The following LRPAP1 variants were observed in gnomAD, a reference collection of about 807,000 sequenced individuals.
LRPAP1 encodes the protein alpha-2-macroglobulin receptor-associated protein.
LRPAP1 carries 41 observed loss-of-function variants against 39.9 expected under a neutral mutation model. The observed-to-expected ratio is 1.03, with a 90% CI of 0.80 to 1.33. LRPAP1 has a LOEUF of 1.33. Ranked by LOEUF, LRPAP1 falls within the 40% of genes most tolerant of loss-of-function variation. LRPAP1 has a pLI of 0.00. For missense variants in LRPAP1, 565 were observed against 482.3 expected (o/e 1.17, Z -1.61); for synonymous variants, 263 against 212.7 (o/e 1.24, Z -2.06).
At chr4:3,524,821 A>G (rs545398985) in intron 2 of LRPAP1, 86 bp downstream of exon 2, 2 of 1,498,744 alleles carry the variant, frequency 1.3e-6, no homozygotes, top group African/African-American at 2.8e-5. Flanking sequence ...AAATCCAAAA[A>G]CAAAATCCGA....
At position 3,512,566 on chromosome 4, in the gene LRPAP1, G is replaced by A. The variant is rs1401249253; in HGVS notation, c.*408C>T. The A allele has an allele frequency of 1.8e-5, 3 of 170,710 alleles. No homozygotes were observed. Among genetic ancestry groups the A allele is most frequent in the African/African-American group, 4.8e-5 (2 of 42,034 alleles). The allele number at this position is 170,710 out of a possible 1,614,324, so 10.6% of individuals were successfully genotyped here. A position where few individuals can be genotyped will look rare whatever the true frequency, so the allele number is the denominator to read the frequency against. On this transcript the variant is annotated 3_prime_UTR_variant, in exon 8 of 8. Transcript: ENST00000650182. ...CACTTAGTGACCAGCCAACAAGCGG[G>A]TGGTTTAAATACTGCACTCTATTTT...
chr4:3,518,161 G>A lies in LRPAP1; in HGVS notation c.624C>T (p.Asp208=), dbSNP rs2108689678. Residue 208 remains aspartate, a synonymous_variant, in exon 5 of 8, where the codon GAC becomes GAT. Coordinates refer to ENST00000650182, the MANE Select transcript of LRPAP1 (RefSeq NM_002337.4). The part of the protein sequence containing the change: ...EIHENVISPS[D]LSDIKGSVLH... Reference sequence around the variant, plus strand: ...GGACGCTGCCCTTGATGTCGCTCAGGTCCGAGGGGCTAATGACGTTCTCGT... The same window carrying A: ...GGACGCTGCCCTTGATGTCGCTCAGATCCGAGGGGCTAATGACGTTCTCGT... The A allele has an allele frequency of 6.2e-7, 1 of 1,613,112 alleles. No individual in the cohort carries two copies. The highest frequency in any genetic ancestry group is 1.3e-5 in the African/African-American group (1 of 75,026).
Position 3,518,156 on chromosome 4 carries a change from C to T in LRPAP1, c.629G>A (p.Ser210Asn). The change falls in exon 5 of 8, where the codon AGC (serine) becomes AAC (asparagine). Residue 210 changes from serine to asparagine, a missense_variant. Transcript: ENST00000650182. ...HENVISPSDLSDIKGSVLHSR... is the reference protein window; with the variant it reads ...HENVISPSDLNDIKGSVLHSR... ...GTGCAGGACGCTGCCCTTGATGTCG[C>T]TCAGGTCCGAGGGGCTAATGACGTT... The T allele has an allele frequency of 2.5e-6, 4 of 1,613,472 alleles. No individual in the cohort carries two copies. The highest frequency in any genetic ancestry group is 3.4e-6 in the Non-Finnish European group (4 of 1,179,830).
Position 3,507,100 on chromosome 4 carries a change from T to A in LRPAP1, c.*5874A>T, listed in dbSNP as rs1161133281. The A allele has an allele frequency of 6.6e-6, 1 of 152,236 alleles. No homozygotes were observed. The highest frequency in any genetic ancestry group is 2.4e-5 in the African/African-American group (1 of 41,454). The allele number at this position is 152,236 out of a possible 1,614,324, so 9.4% of individuals were successfully genotyped here. A position where few individuals can be genotyped will look rare whatever the true frequency, so the allele number is the denominator to read the frequency against. On this transcript the variant is annotated 3_prime_UTR_variant, in exon 8 of 8. Transcript: ENST00000650182. ...TTAGCAGAGCATAGTGATGCATGCCTGTAGTCCCAGCTACTCAGAAGACCG... is the reference window on the plus strand; with the variant it reads ...TTAGCAGAGCATAGTGATGCATGCCAGTAGTCCCAGCTACTCAGAAGACCG...
chr4:3,519,022 C>G, intron 3 of LRPAP1, 31 bp from the exon 4 acceptor site: 1 of 1,607,408 alleles, frequency 6.2e-7, no homozygotes, highest in Non-Finnish European at 8.5e-7. Context: ...GGAGTGAACC[C>G]GCCGCGGGCT....
chr4:3,531,960 AC>A, intron 1 of LRPAP1: 1 of 560,556 alleles, frequency 1.8e-6, no homozygotes, highest in Non-Finnish European at 3.1e-6. Flanking sequence ...GGCGACACTG[AC>A]CCTCGGGGTG....
chr4:3,518,222 G>C, intron 4 of LRPAP1, 30 bp from the exon 5 acceptor site: 2 of 1,594,934 alleles, frequency 1.3e-6, no homozygotes, highest in Non-Finnish European at 1.7e-6. Flanking sequence ...ACGCCATGAG[G>C]CTGGGAGTCC....
chr4:3,509,056 T>C lies in LRPAP1; in HGVS notation c.*3918A>G, dbSNP rs1183184362. On this transcript the variant is annotated 3_prime_UTR_variant, in exon 8 of 8. Coordinates refer to ENST00000650182, the MANE Select transcript of LRPAP1 (RefSeq NM_002337.4). ...TAAAGCACCACGCACAGGTGACAAATGAAATAAAAATACACAGTCCTCAAT... is the reference window on the plus strand; with the variant it reads ...TAAAGCACCACGCACAGGTGACAAACGAAATAAAAATACACAGTCCTCAAT... The C allele has an allele frequency of 6.6e-6, 1 of 151,960 alleles. No individual in the cohort carries two copies. The highest frequency in any genetic ancestry group is 2.4e-5 in the African/African-American group (1 of 41,358). 9.4% of individuals were successfully genotyped at this position (151,960 alleles called of 1,614,324 possible). A position where few individuals can be genotyped will look rare whatever the true frequency, so the allele number is the denominator to read the frequency against.
chr4:3,520,502 A>G (rs536642879), intron 2 of LRPAP1, among the ~76,000 whole-genome samples: 1 of 152,346 alleles, frequency 6.6e-6, no homozygotes, highest in South Asian at 2.1e-4. Flanking sequence ...CCTGAGACGC[A>G]GCTGTCGAAA....
intron 2 of LRPAP1, among the ~76,000 whole-genome samples, chr4:3,520,766 A>G (rs1729886585): frequency 6.6e-6 from 1 of 152,252 alleles, no homozygotes; most frequent in Non-Finnish European, 1.5e-5. Flanking sequence ...TCTAACAAAA[A>G]GTTACTGGTA....
chr4:3,516,963 G>A (rs1385946563), intron 5 of LRPAP1, among the ~76,000 whole-genome samples: 4 of 152,250 alleles, frequency 2.6e-5, no homozygotes, highest in Non-Finnish European at 5.9e-5. Flanking sequence ...GGGACAGCCC[G>A]AGGTGGGAAG....
intron 5 of LRPAP1, among the ~76,000 whole-genome samples, chr4:3,517,251 G>A (rs553071753): frequency 8.5e-5 from 13 of 152,380 alleles, no homozygotes; most frequent in Non-Finnish European, 1.5e-4. Flanking sequence ...GGACACATTT[G>A]ACTGCTGTGC....
intron 3 of LRPAP1, 26 bp downstream of exon 3, chr4:3,520,046 A>C (rs1345847975): frequency 1.2e-6 from 2 of 1,610,992 alleles, no homozygotes; most frequent in Admixed American, 3.3e-5. Context: ...CCAATTCTGC[A>C]AGGTATGCAA....
At chr4:3,523,826 A>T (rs944485675) in intron 2 of LRPAP1, among the ~76,000 whole-genome samples, 7 of 152,196 alleles carry the variant, frequency 4.6e-5, no homozygotes, top group Non-Finnish European at 1.5e-5. Flanking sequence ...CACGACAGCA[A>T]CAAGTGCGAT....
Position 3,505,798 on chromosome 4 carries a change from G to C in LRPAP1, c.*7176C>G, listed in dbSNP as rs547915725. Reference sequence around the variant, plus strand: ...TTACAACTCGGCAAGATGCTGGGGAGGTTTCTGTTAGGGTGGAGCTGGAAG... The same window carrying C: ...TTACAACTCGGCAAGATGCTGGGGACGTTTCTGTTAGGGTGGAGCTGGAAG... On this transcript the variant is annotated 3_prime_UTR_variant, in exon 8 of 8. Coordinates refer to ENST00000650182, the MANE Select transcript of LRPAP1 (RefSeq NM_002337.4). Among the ~76,000 whole-genome samples the C allele has an allele frequency of 6.6e-6, 1 of 152,372 alleles. No homozygotes were observed. The highest frequency in any genetic ancestry group is 2.1e-4 in the South Asian group (1 of 4,826).
chr4:3,526,343 G>A (rs1274617426), intron 1 of LRPAP1, among the ~76,000 whole-genome samples: 2 of 152,200 alleles, frequency 1.3e-5, no homozygotes, highest in Non-Finnish European at 2.9e-5. Context: ...ATCACCTAAC[G>A]CCTGTCTCTG....
chr4:3,521,739 C>G (rs1729916110), intron 2 of LRPAP1, among the ~76,000 whole-genome samples: 1 of 152,250 alleles, frequency 6.6e-6, no homozygotes, highest in Non-Finnish European at 1.5e-5. Flanking sequence ...CTCCTGACAG[C>G]AGTCAAGAGC....
Position 3,512,229 on chromosome 4 carries a change from G to C in LRPAP1, c.*745C>G. The C allele has an allele frequency of 6.6e-6, 1 of 152,510 alleles. No homozygotes were observed. The highest frequency in any genetic ancestry group is 2.4e-5 in the African/African-American group (1 of 41,592). The allele number at this position is 152,510 out of a possible 1,614,324, so 9.4% of individuals were successfully genotyped here. On this transcript the variant is annotated 3_prime_UTR_variant, in exon 8 of 8. Coordinates refer to ENST00000650182, the MANE Select transcript of LRPAP1 (RefSeq NM_002337.4). ...GCCTCCGTGGCTGTCTCTCCCCCATGAGATGGGGCATTTACACAGCACACT... is the reference window on the plus strand; with the variant it reads ...GCCTCCGTGGCTGTCTCTCCCCCATCAGATGGGGCATTTACACAGCACACT...
intron 1 of LRPAP1, chr4:3,531,986 C>T (rs1294143808): frequency 3.4e-6 from 2 of 594,546 alleles, no homozygotes; most frequent in Non-Finnish European, 5.8e-6. Context: ...CCGCCACCTG[C>T]TTCACACGGC....
Sources: allele counts gnomAD v4.1 joint callset (sites outside exome capture counted in the v4.1 genomes callset), GRCh38; gene constraint gnomAD v4.1.1; transcripts MANE v1.5; gene names NCBI Gene and HGNC (gene_info 2026-07-23, HGNC 2026-07-21).